SGCZ: variants seen among roughly 807,000 people sequenced by gnomAD.
SGCZ encodes sarcoglycan zeta.
A neutral mutation model predicts 41.3 loss-of-function variants in SGCZ; 40 were observed. The ratio of observed to expected loss-of-function variants is 0.97; its 90% CI spans 0.75 to 1.26. The LOEUF (loss-of-function observed/expected upper bound fraction) is 1.26, where lower values mean the gene tolerates loss of function less well. SGCZ is among the 50% of genes most tolerant of loss of function. The pLI, the probability that SGCZ is intolerant of heterozygous loss-of-function variation, is 0.00. For synonymous variants in SGCZ, 206 were observed against 137.5 expected, an observed-to-expected ratio of 1.50 and a Z score of -3.49; for missense variants, 552 against 369.8, an observed-to-expected ratio of 1.49 and a Z score of -4.04.
chr8:14,622,026 C>G (rs1806303312), intron 1 of SGCZ, among the ~76,000 whole-genome samples: 1 of 151,896 alleles, frequency 6.6e-6, no homozygotes, highest in Admixed American at 6.6e-5. Context: ...AAGATCTAAA[C>G]TATTGTATAA....
chr8:14,596,296 T>A (rs1293919678), intron 1 of SGCZ, among the ~76,000 whole-genome samples: 2 of 152,194 alleles, frequency 1.3e-5, no homozygotes, highest in African/African-American at 4.8e-5. Flanking sequence ...GAATTTTGCC[T>A]AGTATATAGG....
At position 14,201,602 on chromosome 8, in the gene SGCZ, G is replaced by A. The variant is rs566908621; in HGVS notation, c.424+35990C>T. 2.0e-5 allele frequency among the ~76,000 whole-genome samples: 3 copies of A among 152,258 alleles called. No homozygotes were observed. The South Asian group carries it at 6.2e-4, about 32-fold the overall frequency. On this transcript the variant is annotated intron_variant, in intron 4 of 7. Transcript: ENST00000382080. ...GTATTTCAGAACAGATAAAACCGTA[G>A]ATCTAGAAATTGATGAGAAGTGTCA...
chr8:14,309,641 C>T (rs1801462635), intron 3 of SGCZ: 5 of 1,610,554 alleles, frequency 3.1e-6, no homozygotes, highest in African/African-American at 1.3e-5. Flanking sequence ...CTACTAAGAG[C>T]GGCTCCACCA....
At chr8:14,546,197 C>G (rs1368965581) in intron 2 of SGCZ, among the ~76,000 whole-genome samples, 1 of 152,184 alleles carries the variant, frequency 6.6e-6, no homozygotes, top group Non-Finnish European at 1.5e-5. Flanking sequence ...AGTGCGGTCT[C>G]TGCTGCTGGT....
chr8:14,936,840 C>A (rs933349217), intron 1 of SGCZ, among the ~76,000 whole-genome samples: 2 of 151,724 alleles, frequency 1.3e-5, no homozygotes, highest in Non-Finnish European at 3.0e-5. Context: ...AAAATAAAAT[C>A]TCAAAATATT....
At chr8:14,357,999 C>A (rs1361754561) in intron 2 of SGCZ, among the ~76,000 whole-genome samples, 5 of 152,112 alleles carry the variant, frequency 3.3e-5, no homozygotes, top group African/African-American at 1.2e-4. Flanking sequence ...TTACTGTGAC[C>A]ATATTAGCAG....
At chr8:14,218,634 T>A (rs542870491) in intron 4 of SGCZ, among the ~76,000 whole-genome samples, 1 of 152,364 alleles carries the variant, frequency 6.6e-6, no homozygotes, top group Non-Finnish European at 1.5e-5. Flanking sequence ...CACTTTATTT[T>A]TTCTTGCTAA....
chr8:14,430,899 C>T (rs1799925392), intron 2 of SGCZ, among the ~76,000 whole-genome samples: 1 of 152,136 alleles, frequency 6.6e-6, no homozygotes, highest in South Asian at 2.1e-4. Context: ...TGTACACCAA[C>T]AGCGACCAAG....
chr8:14,903,874 A>G (rs1007141221), intron 1 of SGCZ, among the ~76,000 whole-genome samples: 1 of 152,052 alleles, frequency 6.6e-6, no homozygotes, highest in Non-Finnish European at 1.5e-5. Context: ...GAATAAATAT[A>G]CAGAAATCTA....
chr8:14,774,437 G>C (rs1304066424), intron 1 of SGCZ, among the ~76,000 whole-genome samples: 1 of 152,172 alleles, frequency 6.6e-6, no homozygotes, highest in Admixed American at 6.5e-5. Flanking sequence ...GCTTCCTTCA[G>C]TTAACGTTTA....
At chr8:14,530,404 T>A (rs570483510) in intron 2 of SGCZ, among the ~76,000 whole-genome samples, 92 of 152,244 alleles carry the variant, frequency 6.0e-4, no homozygotes, top group African/African-American at 2.0e-3. Context: ...AAGACTCTTA[T>A]CTGTCTGATC....
intron 1 of SGCZ, among the ~76,000 whole-genome samples, chr8:14,636,737 T>G (rs1806841173): frequency 1.3e-5 from 2 of 151,856 alleles, no homozygotes. Context: ...GGAAGTAACT[T>G]AAACCTTATG....
intron 2 of SGCZ, among the ~76,000 whole-genome samples, chr8:14,382,736 T>G (rs866796377): frequency 3.9e-5 from 6 of 152,048 alleles, no homozygotes; most frequent in African/African-American, 1.4e-4. Flanking sequence ...TATTGAATAC[T>G]TGGGTGATTT....
At chr8:14,421,179 T>G (rs1403202623) in intron 2 of SGCZ, among the ~76,000 whole-genome samples, 1 of 152,080 alleles carries the variant, frequency 6.6e-6, no homozygotes, top group Non-Finnish European at 1.5e-5. Flanking sequence ...AACATTCTTG[T>G]ACATGGAATT....
chr8:14,350,345 G>C (rs1461248603), intron 2 of SGCZ, among the ~76,000 whole-genome samples: 1 of 151,948 alleles, frequency 6.6e-6, no homozygotes, highest in Non-Finnish European at 1.5e-5. Flanking sequence ...ATCTTAAGAA[G>C]CAAATATATT....
chr8:14,231,209 G>A (rs1260009346), intron 4 of SGCZ, among the ~76,000 whole-genome samples: 1 of 137,908 alleles, frequency 7.3e-6, no homozygotes, highest in African/African-American at 2.7e-5. Context: ...TGGGGAGAGA[G>A]AGGGGGAAAG....
chr8:14,864,756 T>C (rs917893315), intron 1 of SGCZ, among the ~76,000 whole-genome samples: 72 of 152,254 alleles, frequency 4.7e-4, no homozygotes, highest in African/African-American at 1.6e-3. Flanking sequence ...ATACACATTT[T>C]TCATAACCGG....
intron 1 of SGCZ, among the ~76,000 whole-genome samples, chr8:14,869,244 T>A (rs1210493760): frequency 6.6e-6 from 1 of 152,106 alleles, no homozygotes; most frequent in African/African-American, 2.4e-5. Flanking sequence ...TCCACCACGA[T>A]TAAGTTGACG....
intron 1 of SGCZ, among the ~76,000 whole-genome samples, chr8:15,200,936 CT>C (rs1800870461): frequency 1.3e-5 from 2 of 152,290 alleles, no homozygotes; most frequent in African/African-American, 2.4e-5. Context: ...TCTAAATATT[CT>C]TTTCCCTTTG....
Sources: allele counts gnomAD v4.1 joint callset (sites outside exome capture counted in the v4.1 genomes callset), GRCh38; gene constraint gnomAD v4.1.1; transcripts MANE v1.5; gene names NCBI Gene and HGNC (gene_info 2026-07-23, HGNC 2026-07-21).